The following CYFIP1 variants were observed in gnomAD, a reference collection of about 807,000 sequenced individuals.
CYFIP1 encodes the protein cytoplasmic FMR1 interacting protein 1, also known as cytoplasmic FMR1-interacting protein 1.
In CYFIP1, 58 loss-of-function variants were observed where a neutral mutation model predicts 163.5. The observed-to-expected ratio is 0.35, with a 90% CI of 0.29 to 0.44. The LOEUF is 0.44. CYFIP1 is among the 20% of genes least tolerant of loss of function. The pLI is 1.00. For synonymous variants in CYFIP1, 663 were observed against 660.7 expected, an observed-to-expected ratio of 1.00 and a Z score of -0.05; for missense variants, 1,338 against 1,653.8, an observed-to-expected ratio of 0.81 and a Z score of 3.31.
intron 1 of CYFIP1, among the ~76,000 whole-genome samples, chr15:22,973,919 A>AG (rs1469468972): frequency 6.6e-6 from 1 of 152,196 alleles, no homozygotes; most frequent in Non-Finnish European, 1.5e-5. Context: ...CAGGTGTATG[A>AG]AAAAATGCTC....
intron 13 of CYFIP1, among the ~76,000 whole-genome samples, chr15:22,923,834 T>C (rs182234833): frequency 1.4e-3 from 203 of 149,230 alleles, no homozygotes; most frequent in African/African-American, 4.8e-3. Context: ...TCCTAGCTAC[T>C]TGGGAGGCTG....
intron 23 of CYFIP1, among the ~76,000 whole-genome samples, chr15:22,885,069 G>A (rs939239930): frequency 6.6e-6 from 1 of 152,106 alleles, no homozygotes; most frequent in African/African-American, 2.4e-5. Flanking sequence ...GTTTATGATG[G>A]GAGGGGCTGC....
intron 1 of CYFIP1, among the ~76,000 whole-genome samples, chr15:22,968,451 A>T (rs1410028769): frequency 6.6e-6 from 1 of 152,156 alleles, no homozygotes; most frequent in Non-Finnish European, 1.5e-5. Context: ...CTTCAACATC[A>T]GCTTTTCCCC....
chr15:22,912,040 A>T, intron 18 of CYFIP1, 139 bp downstream of exon 18: 2 of 708,626 alleles, frequency 2.8e-6, no homozygotes, highest in East Asian at 2.8e-5. Context: ...CCACAGAGGA[A>T]GGGCTTGCTC....
intron 6 of CYFIP1, 33 bp from the exon 7 acceptor site, chr15:22,939,540 C>T (rs2084063): frequency 0.27 from 314,547 of 1,175,866 alleles, 46,266 homozygotes; most frequent in Admixed American, 0.39. Flanking sequence ...TCCCAAAATG[C>T]ACCAACGTGC....
chr15:22,941,951 G>A (rs1317985806), intron 6 of CYFIP1, among the ~76,000 whole-genome samples: 1 of 152,190 alleles, frequency 6.6e-6, no homozygotes, highest in Non-Finnish European at 1.5e-5. Flanking sequence ...GGGCGGCTGG[G>A]ACCAGGAGCC....
At chr15:22,879,801 A>C in intron 26 of CYFIP1, 112 bp downstream of exon 26, 1 of 726,092 alleles carries the variant, frequency 1.4e-6, no homozygotes, top group Non-Finnish European at 2.2e-6. Flanking sequence ...AATGATGCAC[A>C]GCTGTTGCCA....
At chr15:22,888,448 T>A (rs1446903503) in intron 23 of CYFIP1, among the ~76,000 whole-genome samples, 1 of 152,156 alleles carries the variant, frequency 6.6e-6, no homozygotes, top group Non-Finnish European at 1.5e-5. Context: ...ATTACTGGTT[T>A]AGGACTAGGC....
intron 1 of CYFIP1, among the ~76,000 whole-genome samples, chr15:22,956,346 C>T (rs2062453038): frequency 6.6e-6 from 1 of 151,950 alleles, no homozygotes; most frequent in African/African-American, 2.4e-5. Context: ...CCTGGCATAA[C>T]TCAACAGTCT....
intron 24 of CYFIP1, among the ~76,000 whole-genome samples, chr15:22,882,663 G>A (rs753832599): frequency 3.9e-5 from 6 of 152,146 alleles, no homozygotes; most frequent in Non-Finnish European, 7.4e-5. Context: ...AAAACTCTGC[G>A]TATCAGTTAA....
At chr15:22,903,677 G>T (rs1310142365) in intron 22 of CYFIP1, 29 bp downstream of exon 22, 2 of 1,612,240 alleles carry the variant, frequency 1.2e-6, no homozygotes, top group East Asian at 4.5e-5. Context: ...CGCCTCGCCT[G>T]TGGGCGCCTG....
intron 23 of CYFIP1, among the ~76,000 whole-genome samples, chr15:22,891,147 A>G (rs2141943717): frequency 6.6e-6 from 1 of 152,250 alleles, no homozygotes; most frequent in South Asian, 2.1e-4. Context: ...AAAGATGGCC[A>G]GGCGCAGTGG....
At chr15:22,958,699 G>A (rs574462461) in intron 1 of CYFIP1, among the ~76,000 whole-genome samples, 133 of 152,118 alleles carry the variant, frequency 8.7e-4, no homozygotes, top group South Asian at 6.2e-4. Flanking sequence ...CCCAGGCACC[G>A]CCAAACCTGC....
upstream of CYFIP1, among the ~76,000 whole-genome samples, chr15:22,980,609 T>TCGGAG (rs1172730517): frequency 6.6e-6 from 1 of 151,302 alleles, no homozygotes; most frequent in Non-Finnish European, 1.5e-5. Flanking sequence ...GACGGCGGGG[T>TCGGAG]CGGAGCGGAG....
chr15:22,900,151 G>A (rs1399224005), intron 22 of CYFIP1, among the ~76,000 whole-genome samples: 2 of 152,144 alleles, frequency 1.3e-5, no homozygotes, highest in Admixed American at 6.5e-5. Flanking sequence ...TGGAGTAGCA[G>A]GGTAGGTCCT....
intron 4 of CYFIP1, 91 bp downstream of exon 4, chr15:22,944,771 G>T: frequency 6.6e-7 from 1 of 1,520,940 alleles, no homozygotes; most frequent in Non-Finnish European, 9.1e-7. Flanking sequence ...ACTGGGAGGA[G>T]AGTGGGCCAG....
In CYFIP1 at chr15:22,875,215, C is replaced by A. The variant is rs202194901; in HGVS notation, c.3099G>T (p.Pro1033=). 1.8e-3 allele frequency: 2,853 copies of A among 1,614,032 alleles called. 71 individuals are homozygous for A. The South Asian group carries it at 0.029, about 17-fold the overall frequency. The change falls in exon 27 of 31, where the codon CCG becomes CCT. Residue 1033 remains proline (P), a synonymous_variant. Coordinates refer to ENST00000617928, the MANE Select transcript of CYFIP1 (RefSeq NM_014608.6). Reference sequence around the variant, plus strand: ...CAGGCTCACCTTTCACATGGACTCGCGGCAAGATGTTCTGGAAAGGAGCCG... The same window carrying A: ...CAGGCTCACCTTTCACATGGACTCGAGGCAAGATGTTCTGGAAAGGAGCCG... The part of the protein sequence containing the change: ...LHAAPFQNIL[P]RVHVKEGERL...
At position 22,933,806 on chromosome 15, in the gene CYFIP1, A is replaced by G; in HGVS notation, c.988T>C (p.Ser330Pro). The change falls in exon 10 of 31, where the codon TCT (serine) becomes CCT (proline). Residue 330 changes from serine (S) to proline (P), a missense_variant. Ser to Pro is a moderately conservative substitution (Grantham distance 74, BLOSUM62 -1). This residue lies in a region of CYFIP1 where 824 missense variants were observed against 995.7 expected (regional missense o/e 0.83). Transcript: ENST00000617928. ...KTSAHYEENK[S>P]RWTCTSSGSS... ...GCAGCTTTCCTCTCCTCCTACCGAG[A>G]TTTATTTTCCTCGTAGTGGGCGCTG... is the stretch of plus-strand genomic sequence containing the variant. The G allele has an allele frequency of 6.2e-7, 1 of 1,612,392 alleles. No homozygotes were observed. The highest frequency in any genetic ancestry group is 1.1e-5 in the South Asian group (1 of 90,756).
Position 22,947,299 on chromosome 15 carries a change from AAC to A in CYFIP1, c.-6-10_-6-9del, listed in dbSNP as rs768527916. ...CTGGGCCGCCATCCTGGGCTGGAAC[AAC>A]ACATAAGGACCCCTGTTCTGTGAGG... On this transcript the variant is annotated splice_polypyrimidine_tract_variant and intron_variant, in intron 1 of 30. Coordinates refer to ENST00000617928, the MANE Select transcript of CYFIP1 (RefSeq NM_014608.6). The A allele has an allele frequency of 3.1e-6, 5 of 1,612,946 alleles. No individual in the cohort carries two copies. The highest frequency in any genetic ancestry group is 1.7e-6 in the Non-Finnish European group (2 of 1,179,474).
Sources: allele counts gnomAD v4.1 joint callset (sites outside exome capture counted in the v4.1 genomes callset), GRCh38; gene constraint gnomAD v4.1.1; regional missense constraint gnomAD v4.1.1; transcripts MANE v1.5; gene names NCBI Gene and HGNC (gene_info 2026-07-23, HGNC 2026-07-21).